CGGBP1: variants seen among roughly 807,000 people sequenced by gnomAD.
CGGBP1 encodes the protein CGG triplet repeat-binding protein 1.
CGGBP1 carries 4 observed loss-of-function variants against 11.4 expected under a neutral mutation model. The ratio of observed to expected loss-of-function variants is 0.35; its 90% CI spans 0.17 to 0.80. CGGBP1 has a LOEUF of 0.80. CGGBP1 is among the 30% of genes least tolerant of loss of function. The pLI, the probability that CGGBP1 is intolerant of heterozygous loss-of-function variation, is 0.52. For missense variants in CGGBP1, 135 were observed against 202.1 expected, an observed-to-expected ratio of 0.67 and a Z score of 2.01; for synonymous variants, 76 against 74.1, an observed-to-expected ratio of 1.03 and a Z score of -0.13.
At chr3:88,137,533 TGGG>T (rs1437263873) in intron 2 of CGGBP1, among the ~76,000 whole-genome samples, 2 of 152,064 alleles carry the variant, frequency 1.3e-5, no homozygotes, top group Non-Finnish European at 2.9e-5. Flanking sequence ...AATTCACAGT[TGGG>T]GGGTGAGGAC....
chr3:88,141,736 C>A, intron 1 of CGGBP1: 2 of 1,067,668 alleles, frequency 1.9e-6, no homozygotes, highest in South Asian at 2.1e-5. Flanking sequence ...TTTGCTATTT[C>A]CCTGATGGCC....
At chr3:88,061,762 T>G (rs1195088917), upstream of CGGBP1, among the ~76,000 whole-genome samples, 1 of 152,226 alleles carries the variant, frequency 6.6e-6, no homozygotes, top group African/African-American at 2.4e-5. Context: ...TTTAAAAATT[T>G]GGTTTTCTGA....
intron 2 of CGGBP1, among the ~76,000 whole-genome samples, chr3:88,098,474 C>A (rs896133417): frequency 1.3e-5 from 2 of 152,188 alleles, no homozygotes; most frequent in South Asian, 4.1e-4. Context: ...CTCCCTAACT[C>A]TTTTTATGAG....
chr3:88,109,113 A>G (rs1421660691), intron 2 of CGGBP1, among the ~76,000 whole-genome samples: 2 of 147,408 alleles, frequency 1.4e-5, no homozygotes, highest in African/African-American at 4.9e-5. Context: ...GGGGTCTGGT[A>G]ATGTATCCCC....
chr3:88,105,449 GT>G (rs1300533104), intron 2 of CGGBP1, among the ~76,000 whole-genome samples: 2 of 152,136 alleles, frequency 1.3e-5, no homozygotes, highest in Non-Finnish European at 2.9e-5. Context: ...CATTTGGGTT[GT>G]TTCCATTCTT....
At chr3:88,144,522 A>T (rs956517781) in intron 1 of CGGBP1, 6 of 152,508 alleles carry the variant, frequency 3.9e-5, no homozygotes, top group Admixed American at 3.9e-4. Context: ...TTGAATGTTA[A>T]ATTATTTTAC....
At chr3:88,058,628 C>G (rs1403067313) in intron 1 of CGGBP1, among the ~76,000 whole-genome samples, 187 bp downstream of exon 1, 1 of 152,234 alleles carries the variant, frequency 6.6e-6, no homozygotes, top group Non-Finnish European at 1.5e-5. Flanking sequence ...GCGGCAGTCT[C>G]AAGGGAGGCG....
At chr3:88,097,389 C>T (rs188031925) in intron 2 of CGGBP1, among the ~76,000 whole-genome samples, 5 of 151,534 alleles carry the variant, frequency 3.3e-5, no homozygotes, top group African/African-American at 1.2e-4. Flanking sequence ...TAATGGGAGA[C>T]TTTAACACCC....
At chr3:88,067,244 A>G (rs556116741) in intron 2 of CGGBP1, among the ~76,000 whole-genome samples, 7 of 152,340 alleles carry the variant, frequency 4.6e-5, no homozygotes, top group African/African-American at 1.7e-4. Context: ...AATGGGAACT[A>G]ATAGCTTGAC....
chr3:88,148,564 T>C (rs1200081941), intron 1 of CGGBP1, among the ~76,000 whole-genome samples: 1 of 152,228 alleles, frequency 6.6e-6, no homozygotes, highest in African/African-American at 2.4e-5. Flanking sequence ...GGTACCCCAA[T>C]AACATCCACT....
At chr3:88,060,109 T>C (rs572090272), upstream of CGGBP1, among the ~76,000 whole-genome samples, 1 of 152,210 alleles carries the variant, frequency 6.6e-6, no homozygotes, top group East Asian at 1.9e-4. Context: ...GTTAAGGCAA[T>C]GTGATTGTCT....
intron 2 of CGGBP1, among the ~76,000 whole-genome samples, chr3:88,077,015 G>A (rs968171560): frequency 2.0e-5 from 3 of 152,132 alleles, no homozygotes; most frequent in African/African-American, 7.2e-5. Context: ...TACTTCCCTG[G>A]AGTAAAAGAA....
chr3:88,080,425 A>G (rs551131010), intron 2 of CGGBP1, among the ~76,000 whole-genome samples: 1 of 152,272 alleles, frequency 6.6e-6, no homozygotes, highest in East Asian at 1.9e-4. Context: ...TGTTTGTTAC[A>G]TGCCAGGAAT....
chr3:88,072,565 A>G (rs1439453283), intron 2 of CGGBP1, among the ~76,000 whole-genome samples: 1 of 152,140 alleles, frequency 6.6e-6, no homozygotes, highest in African/African-American at 2.4e-5. Context: ...TGGATATTAT[A>G]TAGTTTGCTG....
intron 2 of CGGBP1, among the ~76,000 whole-genome samples, chr3:88,079,905 A>G (rs560316002): frequency 1.8e-4 from 27 of 152,058 alleles, no homozygotes; most frequent in Non-Finnish European, 3.1e-4. Flanking sequence ...TTCTTTGCAG[A>G]TTTCACACAA....
chr3:88,126,384 A>G lies in CGGBP1; in HGVS notation c.-229+14586T>C, dbSNP rs370927193. On this transcript the variant is annotated intron_variant, in intron 2 of 3. Coordinates refer to the CGGBP1 transcript ENST00000462901. Reference sequence around the variant, plus strand: ...TCATTTTATAATACTGAATAATGGGAGTGATGTATTTTCACATGAAAAGTG... The same window carrying G: ...TCATTTTATAATACTGAATAATGGGGGTGATGTATTTTCACATGAAAAGTG... 6.3e-6 allele frequency: 7 copies of G among 1,106,022 alleles called. No individual in the cohort carries two copies. The African/African-American group carries it at 9.6e-5, about 15-fold the overall frequency. The allele number at this position is 1,106,022 out of a possible 1,614,324, so 68.5% of individuals were successfully genotyped here.
intron 2 of CGGBP1, among the ~76,000 whole-genome samples, chr3:88,070,233 T>A (rs1707428570): frequency 6.6e-6 from 1 of 152,158 alleles, no homozygotes; most frequent in African/African-American, 2.4e-5. Flanking sequence ...CACAATACTA[T>A]TCTTCATAAC....
At chr3:88,149,289 A>G (rs1480438601) in intron 1 of CGGBP1, among the ~76,000 whole-genome samples, 1 of 152,110 alleles carries the variant, frequency 6.6e-6, no homozygotes, top group Admixed American at 6.5e-5. Context: ...AAGGCTAAGG[A>G]GCTTGCTTAC....
At chr3:88,132,663 G>A (rs1292301342) in intron 2 of CGGBP1, among the ~76,000 whole-genome samples, 1 of 152,144 alleles carries the variant, frequency 6.6e-6, no homozygotes, top group Non-Finnish European at 1.5e-5. Flanking sequence ...AACTTATTAG[G>A]ATATTGCAGT....
Sources: gnomAD v4.1 joint callset for allele counts (sites outside exome capture counted in the v4.1 genomes callset) on GRCh38, gnomAD v4.1.1 for gene constraint, MANE v1.5 for transcripts, NCBI Gene and HGNC (gene_info 2026-07-23, HGNC 2026-07-21) for gene names.